TOX: variants seen among roughly 807,000 people sequenced by gnomAD.
The protein encoded by TOX is thymocyte selection-associated high mobility group box protein TOX.
In TOX, 11 loss-of-function variants were observed where a neutral mutation model predicts 53.7. The observed-to-expected ratio is 0.20, with a 90% confidence interval of 0.13 to 0.34. The LOEUF (loss-of-function observed/expected upper bound fraction) is 0.34, where lower values mean the gene tolerates loss of function less well. Among genes scored for constraint, TOX ranks in the 10% least tolerant of loss-of-function variants. The pLI is 1.00. For synonymous variants in TOX, 225 were observed against 245.3 expected (o/e 0.92, Z 0.77); for missense variants, 570 against 664.6 (o/e 0.86, Z 1.56).
chr8:58,886,660 T>G (rs1170923260), intron 3 of TOX, among the ~76,000 whole-genome samples: 1 of 152,102 alleles, frequency 6.6e-6, no homozygotes, highest in Non-Finnish European at 1.5e-5. Context: ...AAAAGTTTAA[T>G]TTCTTTATAC....
intron 7 of TOX, among the ~76,000 whole-genome samples, chr8:58,812,282 AC>A (rs763188700): frequency 3.2e-4 from 49 of 152,104 alleles, no homozygotes; most frequent in Non-Finnish European, 6.8e-4. Flanking sequence ...CTCTGGGGAT[AC>A]CAGTCCCCTT....
chr8:59,028,908 A>C (rs1266913844), intron 1 of TOX, among the ~76,000 whole-genome samples: 3 of 152,122 alleles, frequency 2.0e-5, no homozygotes, highest in Non-Finnish European at 2.9e-5. Context: ...TCATTGCTAT[A>C]GTTTTTGGCT....
chr8:59,011,259 CCT>C (rs1454812540), intron 1 of TOX, among the ~76,000 whole-genome samples: 4 of 152,164 alleles, frequency 2.6e-5, no homozygotes, highest in African/African-American at 9.7e-5. Context: ...TCCATCAAAA[CCT>C]CTTTCTCTTG....
intron 3 of TOX, among the ~76,000 whole-genome samples, chr8:58,919,860 G>GA: frequency 1.0e-4 from 1 of 9,678 alleles, no homozygotes. Flanking sequence ...AAATTTACAA[G>GA]AAAAAAACAA....
rs1242618675 is a variant in TOX at position 59,117,914 on chromosome 8, C to A, written c.102+972G>T. ...GGCGTGGGCAGTCGTGCCCCTGCGA[C>A]CACTCTGGGGGACCGGTCCCTGCGT... On this transcript the variant is annotated intron_variant, in intron 1 of 8. Transcript: ENST00000361421. This position sits in a 1 kb window ranked among gnomAD's most constrained non-coding sequence, Gnocchi z 4.6. Among the ~76,000 whole-genome samples, 1 of 152,232 alleles carries A rather than the reference C, an allele frequency of 6.6e-6. No homozygotes were observed. Among genetic ancestry groups the A allele is most frequent in the Non-Finnish European group, 1.5e-5 (1 of 68,036 alleles).
intron 1 of TOX, among the ~76,000 whole-genome samples, chr8:59,039,875 A>G (rs1311047170): frequency 6.6e-6 from 1 of 152,244 alleles, no homozygotes; most frequent in Non-Finnish European, 1.5e-5. Context: ...TGAAGAAACA[A>G]CACATTATTT....
intron 1 of TOX, among the ~76,000 whole-genome samples, chr8:59,057,335 C>A (rs1296284014): frequency 6.6e-6 from 1 of 152,006 alleles, no homozygotes; most frequent in African/African-American, 2.4e-5. Context: ...TACACTGAGC[C>A]CTTTACAAGT....
intron 2 of TOX, among the ~76,000 whole-genome samples, chr8:58,943,081 C>T (rs924473777): frequency 6.6e-6 from 1 of 152,162 alleles, no homozygotes; most frequent in Non-Finnish European, 1.5e-5. Context: ...GCAAAAGTGA[C>T]CAATATAATT....
chr8:58,808,361 A>AG, intron 7 of TOX, 92 bp from the exon 8 acceptor site: 1 of 1,462,144 alleles, frequency 6.8e-7, no homozygotes, highest in South Asian at 1.5e-5. Context: ...CAGACACACT[A>AG]GGCCTCTTGC....
At chr8:59,017,376 T>G (rs1242010642) in intron 1 of TOX, among the ~76,000 whole-genome samples, 3 of 152,220 alleles carry the variant, frequency 2.0e-5, no homozygotes, top group Non-Finnish European at 4.4e-5. Context: ...ACTAACTTCT[T>G]CAGCTCTCTA....
intron 4 of TOX, among the ~76,000 whole-genome samples, chr8:58,849,886 A>G (rs1810780788): frequency 6.6e-6 from 1 of 152,174 alleles, no homozygotes; most frequent in East Asian, 1.9e-4. Context: ...TCCACAAACA[A>G]ATTATTAGTG....
chr8:58,843,365 T>C (rs1247410045), intron 4 of TOX, among the ~76,000 whole-genome samples: 1 of 152,204 alleles, frequency 6.6e-6, no homozygotes, highest in African/African-American at 2.4e-5. Flanking sequence ...GAACATAATA[T>C]TCTGAACATT....
intron 1 of TOX, among the ~76,000 whole-genome samples, chr8:59,107,228 G>C (rs572559224): frequency 3.3e-5 from 5 of 152,208 alleles, no homozygotes; most frequent in Admixed American, 2.6e-4. Flanking sequence ...AATATTGCAT[G>C]CATCAAACCT....
Position 59,118,107 on chromosome 8 carries a change from C to T in TOX, c.102+779G>A, listed in dbSNP as rs983592708. On this transcript the variant is annotated intron_variant, in intron 1 of 8. Coordinates refer to ENST00000361421, the MANE Select transcript of TOX (RefSeq NM_014729.3). The surrounding 1 kb of genome is among the most constrained non-coding windows in gnomAD (Gnocchi z 4.1). ...TCCGCCTCTCCCCGGGCCCCCGCGG[C>T]CCTGGCACCCGAGGTCAGCGGGCCG... is the stretch of plus-strand genomic sequence containing the variant. Among the ~76,000 whole-genome samples, 3 of 152,202 alleles carry T rather than the reference C, an allele frequency of 2.0e-5. No individual in the cohort carries two copies. Among genetic ancestry groups the T allele is most frequent in the African/African-American group, 7.2e-5 (3 of 41,462 alleles).
chr8:58,957,446 T>C lies in TOX; in HGVS notation c.168+2497A>G, dbSNP rs538388902. Among the ~76,000 whole-genome samples the C allele has an allele frequency of 3.3e-5, 5 of 152,302 alleles. No individual in the cohort carries two copies. The South Asian group carries it at 1.0e-3, about 32-fold the overall frequency. ...ACTATATGCAAAAAATTTTAAGGATTTGTATACTCTAGCTTAAGAGGTAGA... is the reference window on the plus strand; with the variant it reads ...ACTATATGCAAAAAATTTTAAGGATCTGTATACTCTAGCTTAAGAGGTAGA... On this transcript the variant is annotated intron_variant, in intron 2 of 8. Transcript: ENST00000361421.
chr8:58,895,971 G>C (rs113083778), intron 3 of TOX, among the ~76,000 whole-genome samples: 6,446 of 152,192 alleles, frequency 0.042, 445 homozygotes, highest in African/African-American at 0.15. Flanking sequence ...ATTAAAGAGG[G>C]ATTTGTTTCA....
Position 58,960,139 on chromosome 8 carries a change from A to G in TOX, c.103-131T>C, listed in dbSNP as rs1812777153. On this transcript the variant is annotated intron_variant, in intron 1 of 8. Coordinates refer to ENST00000361421, the MANE Select transcript of TOX (RefSeq NM_014729.3). ...CATAAAAAATACTGCGGCTGGGACT[A>G]TGGAAAATCTGTCACAGCAAGCGAG... 5 of 943,306 alleles carry G rather than the reference A, an allele frequency of 5.3e-6. No individual in the cohort carries two copies. In the South Asian group the frequency reaches 7.5e-5, roughly 14 times the overall value. The allele number at this position is 943,306 out of a possible 1,614,324, so 58.4% of individuals were successfully genotyped here.
chr8:58,832,663 C>T (rs1474109848), intron 5 of TOX, among the ~76,000 whole-genome samples: 1 of 152,150 alleles, frequency 6.6e-6, no homozygotes, highest in Non-Finnish European at 1.5e-5. Flanking sequence ...TTTAGCAGGA[C>T]AGGCTCATAA....
chr8:58,902,961 C>T (rs965752493), intron 3 of TOX, among the ~76,000 whole-genome samples: 6 of 152,308 alleles, frequency 3.9e-5, no homozygotes, highest in African/African-American at 1.2e-4. Flanking sequence ...TTGTACTACC[C>T]TCTGTCTCTC....
Sources: gnomAD v4.1 joint callset for allele counts (sites outside exome capture counted in the v4.1 genomes callset) on GRCh38, gnomAD v4.1.1 for gene constraint, Gnocchi (gnomAD v3.1) non-coding constraint, MANE v1.5 for transcripts, NCBI Gene and HGNC (gene_info 2026-07-23, HGNC 2026-07-21) for gene names.